XNDC1N: variants seen among roughly 807,000 people sequenced by gnomAD.
XNDC1N encodes the protein XRCC1 N-terminal domain containing 1, N-terminal like.
chr11:71,889,178 G>C, the XNDC1N span, among the ~76,000 whole-genome samples: 2 of 152,324 alleles, frequency 1.3e-5, no homozygotes, highest in East Asian at 3.9e-4. Flanking sequence ...ACTGATTCTA[G>C]GTATGTCTTT....
chr11:71,907,536 C>A, the XNDC1N span, among the ~76,000 whole-genome samples: 532 of 152,074 alleles, frequency 3.5e-3, 3 homozygotes, highest in African/African-American at 0.013. Flanking sequence ...AGTAATATCA[C>A]CTCCCCCTCT....
the XNDC1N span, among the ~76,000 whole-genome samples, chr11:71,912,303 C>T: frequency 1.4e-4 from 22 of 152,052 alleles, no homozygotes; most frequent in African/African-American, 4.6e-4. Context: ...CTTGGGCGTA[C>T]CTACTCTGGG....
At chr11:71,916,904 CA>C in the XNDC1N span, 1 of 156,304 alleles carries the variant, frequency 6.4e-6, no homozygotes, top group African/African-American at 2.4e-5. Flanking sequence ...TGTATAAATT[CA>C]GTAAACATTA....
At chr11:71,873,246 G>C in the XNDC1N span, among the ~76,000 whole-genome samples, 1 of 152,018 alleles carries the variant, frequency 6.6e-6, no homozygotes, top group Admixed American at 6.6e-5. Flanking sequence ...TAAATGTCTT[G>C]AAAACCATAA....
the XNDC1N span, among the ~76,000 whole-genome samples, chr11:71,902,426 A>G: frequency 6.6e-6 from 1 of 152,192 alleles, no homozygotes; most frequent in African/African-American, 2.4e-5. Context: ...CTCCTGACCC[A>G]GTGATCCGCC....
the XNDC1N span, chr11:71,927,785 G>A: frequency 6.6e-6 from 1 of 152,270 alleles, no homozygotes; most frequent in African/African-American, 2.4e-5. Flanking sequence ...GGTGATGGGT[G>A]TACAGTATTT....
chr11:71,872,844 G>A, the XNDC1N span, among the ~76,000 whole-genome samples: 1 of 152,136 alleles, frequency 6.6e-6, no homozygotes, highest in Non-Finnish European at 1.5e-5. Flanking sequence ...TTGTAAGTTT[G>A]TTTTGGTCAA....
chr11:71,881,279 CT>C, the XNDC1N span, among the ~76,000 whole-genome samples: 4 of 152,108 alleles, frequency 2.6e-5, no homozygotes, highest in African/African-American at 9.7e-5. Flanking sequence ...TTCTTTGTCT[CT>C]TTTTATGTTT....
At chr11:71,899,387 A>G in the XNDC1N span, among the ~76,000 whole-genome samples, 2 of 152,118 alleles carry the variant, frequency 1.3e-5, no homozygotes, top group Non-Finnish European at 2.9e-5. Context: ...AAAGAAAGAG[A>G]TCAGACTCTT....
At chr11:71,897,289 C>G in the XNDC1N span, among the ~76,000 whole-genome samples, 11,023 of 152,198 alleles carry the variant, frequency 0.072, 631 homozygotes, top group African/African-American at 0.16. Context: ...TGAGTGAAAA[C>G]ATAACCCATG....
At chr11:71,911,081 C>G in the XNDC1N span, among the ~76,000 whole-genome samples, 2 of 152,208 alleles carry the variant, frequency 1.3e-5, no homozygotes, top group South Asian at 2.1e-4. Flanking sequence ...AACAACTGGA[C>G]GGGGTTTCTA....
the XNDC1N span, among the ~76,000 whole-genome samples, chr11:71,921,116 T>C: frequency 2.0e-5 from 3 of 152,118 alleles, no homozygotes; most frequent in Non-Finnish European, 4.4e-5. Flanking sequence ...CTCTGCCTCC[T>C]GAGTAGCTGG....
At chr11:71,884,894 G>C in the XNDC1N span, among the ~76,000 whole-genome samples, 2 of 150,596 alleles carry the variant, frequency 1.3e-5, no homozygotes, top group Non-Finnish European at 3.0e-5. Flanking sequence ...CTGGGAGTAA[G>C]AGCCAGCCCT....
At chr11:71,882,227 G>A in the XNDC1N span, among the ~76,000 whole-genome samples, 12 of 148,268 alleles carry the variant, frequency 8.1e-5, no homozygotes, top group South Asian at 2.1e-3. Context: ...AAAAAAAAAA[G>A]AACACTATCT....
the XNDC1N span, among the ~76,000 whole-genome samples, chr11:71,906,145 T>G: frequency 6.6e-6 from 1 of 151,734 alleles, no homozygotes; most frequent in Non-Finnish European, 1.5e-5. Context: ...ACATTAAGAG[T>G]GACATCCCCC....
chr11:71,911,315 A>C, the XNDC1N span, among the ~76,000 whole-genome samples: 22 of 152,330 alleles, frequency 1.4e-4, no homozygotes, highest in East Asian at 3.9e-3. Flanking sequence ...GTAACAGCCT[A>C]CACCCCGCCA....
the XNDC1N span, among the ~76,000 whole-genome samples, chr11:71,906,735 A>G: frequency 1.3e-5 from 2 of 152,172 alleles, no homozygotes; most frequent in African/African-American, 4.8e-5. Context: ...ATTACACGTA[A>G]TATCACTGTG....
chr11:71,924,859 T>C, the XNDC1N span, among the ~76,000 whole-genome samples: 1 of 152,168 alleles, frequency 6.6e-6, no homozygotes, highest in African/African-American at 2.4e-5. Flanking sequence ...GTTGTCTGAG[T>C]GTCTTTAGGT....
the XNDC1N span, among the ~76,000 whole-genome samples, chr11:71,904,271 TA>T: frequency 6.6e-5 from 10 of 152,070 alleles, no homozygotes; most frequent in Admixed American, 6.5e-5. Context: ...TGTCACAGAG[TA>T]CACACACATG....
Sources: gnomAD v4.1 joint callset for allele counts (sites outside exome capture counted in the v4.1 genomes callset) on GRCh38, gnomAD v4.1.1 for gene constraint, MANE v1.5 for transcripts, NCBI Gene and HGNC (gene_info 2026-07-23, HGNC 2026-07-21) for gene names.